CCDC7: variants seen among roughly 807,000 people sequenced by gnomAD.
The protein encoded by CCDC7 is coiled-coil domain containing 7.
In CCDC7, 183 loss-of-function variants were observed where a neutral mutation model predicts 196.9. The observed-to-expected ratio is 0.93, with a 90% CI of 0.82 to 1.05. CCDC7 has a LOEUF of 1.05. CCDC7 is among the 50% of genes least tolerant of loss of function. CCDC7 has a pLI of 0.00. For synonymous variants in CCDC7, 525 were observed against 484.6 expected (o/e 1.08, Z -1.10); for missense variants, 1,540 against 1,482.2 (o/e 1.04, Z -0.64).
At chr10:32,640,871 T>TTC (rs1554940362) in intron 20 of CCDC7, among the ~76,000 whole-genome samples, 5,017 of 115,142 alleles carry the variant, frequency 0.044, 209 homozygotes, top group Middle Eastern at 0.068. Context: ...TTTCTTTTTT[T>TTC]TTTTCTTTTT....
intron 9 of CCDC7, among the ~76,000 whole-genome samples, chr10:32,508,771 C>T (rs2045605341): frequency 6.6e-6 from 1 of 151,598 alleles, no homozygotes; most frequent in Admixed American, 6.6e-5. Flanking sequence ...GCTGGGATTA[C>T]AAGCGCCCGC....
chr10:32,711,265 G>A (rs1046773063), intron 24 of CCDC7, among the ~76,000 whole-genome samples: 12 of 151,716 alleles, frequency 7.9e-5, no homozygotes, highest in Admixed American at 2.6e-4. Context: ...AATCTCAATG[G>A]TTTTGAATAC....
upstream of CCDC7, among the ~76,000 whole-genome samples, chr10:32,450,201 G>A (rs1449398217): frequency 1.3e-5 from 2 of 152,146 alleles, no homozygotes; most frequent in African/African-American, 4.8e-5. Context: ...TCTTTCATTG[G>A]TTTTTACAAG....
intron 33 of CCDC7, among the ~76,000 whole-genome samples, chr10:32,837,260 C>T (rs1460477870): frequency 2.6e-5 from 4 of 152,092 alleles, no homozygotes; most frequent in East Asian, 1.9e-4. Context: ...GAAAAGTGGG[C>T]GAAGGATGTG....
chr10:32,715,376 G>A (rs890703759), intron 25 of CCDC7, among the ~76,000 whole-genome samples: 4 of 152,054 alleles, frequency 2.6e-5, no homozygotes, highest in African/African-American at 7.2e-5. Flanking sequence ...GGAAACCCAC[G>A]CAAAAACCCC....
intron 13 of CCDC7, among the ~76,000 whole-genome samples, chr10:32,544,653 A>G (rs1250155073): frequency 6.6e-6 from 1 of 152,150 alleles, no homozygotes; most frequent in Non-Finnish European, 1.5e-5. Flanking sequence ...AATTCCCTTT[A>G]ACCTATTTGA....
Position 32,451,739 on chromosome 10 carries a change from C to G in CCDC7, c.97C>G (p.Pro33Ala), listed in dbSNP as rs761126639. 5.0e-6 allele frequency: 8 copies of G among 1,614,038 alleles called. No individual in the cohort carries two copies. In the Middle Eastern group the frequency reaches 8.3e-4, roughly 166 times the overall value. ...AGGACTACATAATTTACCATTATCACCTGAGCTAAAGGAAAAACATAATGC... is the reference window on the plus strand; with the variant it reads ...AGGACTACATAATTTACCATTATCAGCTGAGCTAAAGGAAAAACATAATGC... The change falls in exon 1 of 42, where the codon CCT (proline) becomes GCT (alanine). Residue 33 changes from proline to alanine, a missense_variant. Pro to Ala is a conservative substitution (Grantham distance 27). Transcript: ENST00000639629.
intron 16 of CCDC7, among the ~76,000 whole-genome samples, chr10:32,573,827 G>A (rs1488644969): frequency 2.6e-5 from 4 of 152,182 alleles, no homozygotes; most frequent in African/African-American, 9.7e-5. Flanking sequence ...CACTGACTGA[G>A]CATCTATGCT....
At chr10:32,472,247 C>G (rs939561829) in intron 6 of CCDC7, among the ~76,000 whole-genome samples, 1 of 152,132 alleles carries the variant, frequency 6.6e-6, no homozygotes, top group Non-Finnish European at 1.5e-5. Flanking sequence ...TTTTGGTATA[C>G]TTAATTATAT....
chr10:32,806,424 C>G (rs541643485), intron 30 of CCDC7, among the ~76,000 whole-genome samples: 1 of 151,952 alleles, frequency 6.6e-6, no homozygotes, highest in Non-Finnish European at 1.5e-5. Context: ...ACTTAGCAGA[C>G]AATGACTACA....
At position 32,452,012 on chromosome 10, in the gene CCDC7, T is replaced by C. The variant is rs565143205; in HGVS notation, c.279+91T>C. Reference sequence around the variant, plus strand: ...AGGAGGACTCACATGACTCCACATATAGTCATACCGATGGCTAAGATTTAT... The same window carrying C: ...AGGAGGACTCACATGACTCCACATACAGTCATACCGATGGCTAAGATTTAT... On this transcript the variant is annotated intron_variant, in intron 1 of 41. Transcript: ENST00000639629. 7 of 1,436,302 alleles carry C rather than the reference T, an allele frequency of 4.9e-6. No homozygotes were observed. The African/African-American group carries it at 5.7e-5, about 12-fold the overall frequency. The allele number at this position is 1,436,302 out of a possible 1,614,324, so 89.0% of individuals were successfully genotyped here. A position where few individuals can be genotyped will look rare whatever the true frequency, so the allele number is the denominator to read the frequency against.
intron 21 of CCDC7, 35 bp from the exon 23 acceptor site, chr10:32,685,935 C>T: frequency 9.5e-7 from 1 of 1,048,750 alleles, no homozygotes; most frequent in Non-Finnish European, 1.3e-6. Flanking sequence ...ATCCATTTTT[C>T]TATTTAGTGG....
At chr10:32,595,227 C>A (rs1036394266) in intron 18 of CCDC7, among the ~76,000 whole-genome samples, 1 of 152,094 alleles carries the variant, frequency 6.6e-6, no homozygotes, top group African/African-American at 2.4e-5. Flanking sequence ...AATTTCAGAG[C>A]CTGTTATTGG....
intron 8 of CCDC7, among the ~76,000 whole-genome samples, chr10:32,475,766 C>G (rs1300685982): frequency 6.6e-6 from 1 of 152,170 alleles, no homozygotes; most frequent in Non-Finnish European, 1.5e-5. Flanking sequence ...CCTCTCTTCC[C>G]TTCCTGTTTT....
intron 41 of CCDC7, among the ~76,000 whole-genome samples, chr10:32,857,248 T>C (rs1399511728): frequency 1.3e-5 from 2 of 152,056 alleles, no homozygotes; most frequent in Non-Finnish European, 2.9e-5. Flanking sequence ...GAAGCCACTA[T>C]AAAAACAAAA....
At chr10:32,866,946 G>A (rs2094220472) in intron 41 of CCDC7, among the ~76,000 whole-genome samples, 1 of 151,286 alleles carries the variant, frequency 6.6e-6, no homozygotes, top group Admixed American at 6.6e-5. Context: ...ATTACATCTG[G>A]GATACTCCTC....
chr10:32,590,655 T>C, intron 18 of CCDC7, among the ~76,000 whole-genome samples: 1 of 152,192 alleles, frequency 6.6e-6, no homozygotes, highest in Non-Finnish European at 1.5e-5. Context: ...TAGCATTTCT[T>C]ATAGGACAGG....
chr10:32,466,774 C>G (rs571589676), intron 5 of CCDC7, among the ~76,000 whole-genome samples: 1 of 151,608 alleles, frequency 6.6e-6, no homozygotes, highest in South Asian at 2.1e-4. Context: ...TTTATTTTCC[C>G]TTGGGTATAT....
At chr10:32,876,504 T>A, downstream of CCDC7, 1 of 1,047,112 alleles carries the variant, frequency 9.6e-7, no homozygotes, top group Non-Finnish European at 1.4e-6. Context: ...GTGTGGATGG[T>A]GCTTATTGAA....
Sources: gnomAD v4.1 joint callset for allele counts (sites outside exome capture counted in the v4.1 genomes callset) on GRCh38, gnomAD v4.1.1 for gene constraint, MANE v1.5 for transcripts, NCBI Gene and HGNC (gene_info 2026-07-23, HGNC 2026-07-21) for gene names.